The following TRIM14 variants were observed in gnomAD, a reference collection of about 807,000 sequenced individuals.
The protein encoded by TRIM14 is tripartite motif containing 14, also known as tripartite motif-containing protein 14.
Under a neutral mutation model 44.5 loss-of-function variants are expected in TRIM14, and 28 were observed. The ratio of observed to expected loss-of-function variants is 0.63; its 90% CI spans 0.47 to 0.86. The LOEUF (loss-of-function observed/expected upper bound fraction) is 0.86. Ranked by LOEUF, TRIM14 falls within the 40% of genes least tolerant of loss-of-function variation. The pLI, the probability that TRIM14 is intolerant of heterozygous loss-of-function variation, is 0.00. For missense variants in TRIM14, 607 were observed against 611.1 expected (o/e 0.99, Z 0.07); for synonymous variants, 299 against 269.2 (o/e 1.11, Z -1.08).
intron 6 of TRIM14, among the ~76,000 whole-genome samples, chr9:98,072,798 A>T (rs1345639399): frequency 1.3e-5 from 2 of 152,076 alleles, no homozygotes; most frequent in East Asian, 3.9e-4. Flanking sequence ...CTTGTTCTGT[A>T]TTTACCTAGC....
At position 98,100,054 on chromosome 9, in the gene TRIM14, C is replaced by T; in HGVS notation, c.414G>A (p.Gln138=). The part of the protein sequence containing the change: ...LAKKFIDKNT[Q]LTLQVYREQA... ...GTTCCCTGTACACCTGGAGGGTAAG[C>T]TGCGTGTTTTTATCAATGAATTTCT... Residue 138 remains glutamine, a synonymous_variant, in exon 3 of 6, where the codon CAG becomes CAA. Coordinates refer to ENST00000341469, the MANE Select transcript of TRIM14 (RefSeq NM_014788.4). The T allele has an allele frequency of 1.2e-6, 2 of 1,614,172 alleles. No individual in the cohort carries two copies. The highest frequency in any genetic ancestry group is 1.7e-6 in the Non-Finnish European group (2 of 1,180,032).
chr9:98,117,384 A>G (rs1013298110), intron 1 of TRIM14, among the ~76,000 whole-genome samples: 1 of 151,910 alleles, frequency 6.6e-6, no homozygotes, highest in Non-Finnish European at 1.5e-5. Flanking sequence ...TGCAACCTCC[A>G]TCTCCCAGGT....
the TRIM14 span, among the ~76,000 whole-genome samples, chr9:98,056,547 A>G: frequency 6.6e-6 from 1 of 152,300 alleles, no homozygotes; most frequent in East Asian, 1.9e-4. Context: ...GCAAGCCTCA[A>G]GCCTCGCACA....
chr9:98,073,612 G>A (rs973909208), intron 6 of TRIM14, among the ~76,000 whole-genome samples: 1 of 148,552 alleles, frequency 6.7e-6, no homozygotes, highest in Non-Finnish European at 1.5e-5. Context: ...TTCCAATCCT[G>A]AAGGATCCAA....
intron 2 of TRIM14, among the ~76,000 whole-genome samples, chr9:98,103,752 C>T (rs953787401): frequency 4.8e-5 from 7 of 146,270 alleles, no homozygotes; most frequent in South Asian, 2.2e-4. Context: ...GCAGGAGAAT[C>T]GCCTGAACCC....
At chr9:98,108,897 T>TTTTTTA (rs1826727985) in intron 2 of TRIM14, among the ~76,000 whole-genome samples, 1 of 149,242 alleles carries the variant, frequency 6.7e-6, no homozygotes, top group African/African-American at 2.5e-5. Context: ...TTTTTTTTTT[T>TTTTTTA]GATAGGGTTT....
the TRIM14 span, among the ~76,000 whole-genome samples, chr9:98,036,494 C>CGG: frequency 9.1e-3 from 877 of 96,442 alleles, 11 homozygotes; most frequent in African/African-American, 0.04. Context: ...GAGTGAGACT[C>CGG]CATCTGAAAA....
intron 2 of TRIM14, among the ~76,000 whole-genome samples, chr9:98,102,324 TAA>T (rs1203364370): frequency 6.6e-6 from 1 of 152,218 alleles, no homozygotes; most frequent in Non-Finnish European, 1.5e-5. Context: ...TTTCTCTAAA[TAA>T]ATCTGCCTTT....
chr9:98,114,114 T>C (rs550530093), intron 1 of TRIM14, among the ~76,000 whole-genome samples: 3 of 152,308 alleles, frequency 2.0e-5, no homozygotes, highest in Admixed American at 2.0e-4. Flanking sequence ...AAATAAGAAA[T>C]GATGTTTAAC....
the TRIM14 span, among the ~76,000 whole-genome samples, chr9:98,062,264 C>T: frequency 6.6e-6 from 1 of 151,474 alleles, no homozygotes; most frequent in Non-Finnish European, 1.5e-5. Flanking sequence ...CCGCTCCTTG[C>T]TGACTAGCCT....
At chr9:98,109,523 G>A (rs1826763813) in intron 2 of TRIM14, among the ~76,000 whole-genome samples, 1 of 152,150 alleles carries the variant, frequency 6.6e-6, no homozygotes, top group Non-Finnish European at 1.5e-5. Context: ...CATGGCAGTG[G>A]AATTAAAGAG....
rs565126380 is a variant in TRIM14 at position 98,116,364 on chromosome 9, T to C, written c.207+2618A>G. The stretch of plus-strand genomic sequence containing the variant: ...ACTAGCTTGGTCCTTGTCTACACAG[T>C]TCCCTTACAAGGTTCCCGACCTTGT... On this transcript the variant is annotated intron_variant, in intron 1 of 5. Coordinates refer to ENST00000341469, the MANE Select transcript of TRIM14 (RefSeq NM_014788.4). Among the ~76,000 whole-genome samples the C allele has an allele frequency of 6.6e-5, 10 of 151,522 alleles. No homozygotes were observed. In the East Asian group the frequency reaches 1.8e-3, roughly 27 times the overall value.
At chr9:98,036,527 C>T in the TRIM14 span, among the ~76,000 whole-genome samples, 1 of 141,912 alleles carries the variant, frequency 7.0e-6, no homozygotes, top group African/African-American at 2.7e-5. Flanking sequence ...AAATGCTAGG[C>T]AAGGTGGCTC....
chr9:98,069,297 G>A (rs145156141), exon 7 of TRIM14: 7,273 of 150,994 alleles, frequency 0.048, 264 homozygotes, highest in South Asian at 0.09. Context: ...TTTTTGAAAC[G>A]GAGTCTCACT....
intron 6 of TRIM14, among the ~76,000 whole-genome samples, chr9:98,071,350 G>A (rs971554994): frequency 1.3e-5 from 2 of 152,228 alleles, no homozygotes; most frequent in East Asian, 3.8e-4. Flanking sequence ...CAAGTGAATG[G>A]ACTCTAGGGT....
At chr9:98,111,531 A>AT (rs1191782078) in intron 1 of TRIM14, among the ~76,000 whole-genome samples, 5 of 152,230 alleles carry the variant, frequency 3.3e-5, no homozygotes, top group African/African-American at 1.2e-4. Context: ...AAAGAAATAA[A>AT]TTGATGGTGG....
intron 6 of TRIM14, chr9:98,076,219 C>T (rs1032597229): frequency 1.3e-5 from 2 of 152,136 alleles, no homozygotes; most frequent in Admixed American, 6.5e-5. Flanking sequence ...TTTTCCTGCT[C>T]GTTTGGCCGA....
intron 6 of TRIM14, among the ~76,000 whole-genome samples, chr9:98,070,729 A>G (rs1214429009): frequency 6.6e-6 from 1 of 152,024 alleles, no homozygotes; most frequent in Non-Finnish European, 1.5e-5. Flanking sequence ...CACAATTTTA[A>G]TTTTTAATTC....
At chr9:98,062,145 G>A in the TRIM14 span, among the ~76,000 whole-genome samples, 6 of 152,010 alleles carry the variant, frequency 3.9e-5, no homozygotes, top group South Asian at 4.2e-4. Flanking sequence ...ATTTGAGACT[G>A]CAGTTAGCCA....
Sources: allele counts gnomAD v4.1 joint callset (sites outside exome capture counted in the v4.1 genomes callset), GRCh38; gene constraint gnomAD v4.1.1; transcripts MANE v1.5; gene names NCBI Gene and HGNC (gene_info 2026-07-23, HGNC 2026-07-21).